The following BCLAF3 variants were observed in gnomAD, a reference collection of about 807,000 sequenced individuals.
The protein encoded by BCLAF3 is BCLAF1 and THRAP3 family member 3, also known as transient octamer binding factor 1.
In BCLAF3, 24 loss-of-function variants were observed where a neutral mutation model predicts 51.2. The observed-to-expected ratio is 0.47, with a 90% CI of 0.34 to 0.66. BCLAF3 has a LOEUF of 0.66. Among genes scored for constraint, BCLAF3 ranks in the 30% least tolerant of loss-of-function variants. BCLAF3 has a pLI of 0.01. For missense variants in BCLAF3, 465 were observed against 525.1 expected (o/e 0.89, Z 1.12); for synonymous variants, 152 against 176.6 (o/e 0.86, Z 1.10).
chrX:19,984,091 A>AT (rs1206692219), intron 1 of BCLAF3, among the ~76,000 whole-genome samples: 27 of 107,673 alleles, frequency 2.5e-4, no homozygotes, highest in African/African-American at 7.7e-4. Context: ...AAAAAAAAAA[A>AT]AAAAAAGACT....
intron 6 of BCLAF3, among the ~76,000 whole-genome samples, 194 bp downstream of exon 6, chrX:19,953,584 G>A (rs901150701): frequency 2.7e-5 from 3 of 112,052 alleles, no homozygotes; most frequent in Admixed American, 1.9e-4. Context: ...TGTTTTCAGC[G>A]CATCCTATTC....
At chrX:19,943,556 T>C (rs1177305921) in intron 8 of BCLAF3, among the ~76,000 whole-genome samples, 3 of 93,471 alleles carry the variant, frequency 3.2e-5, no homozygotes, top group Non-Finnish European at 4.2e-5. Flanking sequence ...AGGAGCAGGT[T>C]GTTCAGTTTC....
At chrX:19,931,816 G>C (rs781692461) in intron 10 of BCLAF3, among the ~76,000 whole-genome samples, 17 of 112,398 alleles carry the variant, frequency 1.5e-4, no homozygotes, top group Non-Finnish European at 2.8e-4. Flanking sequence ...AATTAGTAGA[G>C]ATGCTGCGTC....
intron 4 of BCLAF3, 23 bp downstream of exon 4, chrX:19,965,021 T>C (rs185837656): frequency 0.013 from 14,484 of 1,083,117 alleles, 89 homozygotes; most frequent in Middle Eastern, 0.025. Context: ...TTAAATATCA[T>C]AAAGAAAAAA....
chrX:19,947,691 G>A (rs1450129227), intron 8 of BCLAF3, among the ~76,000 whole-genome samples: 2 of 111,839 alleles, frequency 1.8e-5, no homozygotes, highest in African/African-American at 6.5e-5. Flanking sequence ...TGTATTACAA[G>A]TTAGGTATCC....
chrX:19,984,178 T>A (rs898670697), intron 1 of BCLAF3, among the ~76,000 whole-genome samples: 14 of 110,046 alleles, frequency 1.3e-4, no homozygotes, highest in African/African-American at 4.6e-4. Context: ...AAGACACTTT[T>A]TAATCCCAAA....
chrX:19,983,301 C>A (rs2072680789), intron 1 of BCLAF3, among the ~76,000 whole-genome samples: 1 of 106,705 alleles, frequency 9.4e-6, no homozygotes, highest in Admixed American at 1.0e-4. Context: ...TTAGGCCGGG[C>A]ATAGTGGCTC....
chrX:19,940,254 T>A (rs746836841), intron 8 of BCLAF3, among the ~76,000 whole-genome samples: 4 of 97,201 alleles, frequency 4.1e-5, no homozygotes, highest in African/African-American at 1.8e-4. Context: ...TCAAGAAGTC[T>A]TTATTTTTTA....
At chrX:19,988,481 T>A (rs1460936144) in intron 1 of BCLAF3, among the ~76,000 whole-genome samples, 1 of 111,891 alleles carries the variant, frequency 8.9e-6, no homozygotes, top group East Asian at 2.8e-4. Flanking sequence ...TACCAGATGG[T>A]AATAACATGG....
intron 11 of BCLAF3, among the ~76,000 whole-genome samples, chrX:19,925,343 A>G (rs2070322565): frequency 9.0e-6 from 1 of 111,082 alleles, no homozygotes. Flanking sequence ...TCACTCCAGC[A>G]TTTCAATATG....
chrX:19,916,120 C>T lies in BCLAF3; in HGVS notation c.*1185G>A, dbSNP rs1482257257. 4 of 112,313 alleles carry T rather than the reference C, an allele frequency of 3.6e-5. No individual in the cohort carries two copies. Among genetic ancestry groups the T allele is most frequent in the African/African-American group, 9.7e-5 (3 of 30,914 alleles). The allele number at this position is 112,313 out of a possible 1,213,427, so 9.3% of individuals were successfully genotyped here. A position where few individuals can be genotyped will look rare whatever the true frequency, so the allele number is the denominator to read the frequency against. On this transcript the variant is annotated 3_prime_UTR_variant, in exon 12 of 12. Coordinates refer to ENST00000379682, the MANE Select transcript of BCLAF3 (RefSeq NM_001367774.2). ...AAAACCAAGTTCTTATCAACCTTCA[C>T]ATTTTAATTTTGAAAGCTCTGTCTT...
At position 19,970,261 on chromosome X, in the gene BCLAF3, C is replaced by T; in HGVS notation, c.4G>A (p.Ala2Thr). ...CTGGGGGATCTAGATCGTGACCGTG[C>T]CATCCTTTGACACGTGAGCCACTAT... M[A>T]RSRSRSPRWK... The change falls in exon 2 of 12, where the codon GCA becomes ACA. Residue 2 changes from alanine (A) to threonine (T), a missense_variant. By Grantham distance (58) the Ala-to-Thr change is moderately conservative (BLOSUM62 0). Transcript: ENST00000379682. 1 of 1,211,413 alleles carries T rather than the reference C, an allele frequency of 8.3e-7. No individual in the cohort carries two copies. The highest frequency in any genetic ancestry group is 1.1e-6 in the Non-Finnish European group (1 of 895,021).
intron 2 of BCLAF3, among the ~76,000 whole-genome samples, chrX:19,968,974 G>A (rs1275837773): frequency 9.0e-5 from 10 of 111,447 alleles, no homozygotes; most frequent in Non-Finnish European, 1.7e-4. Context: ...TTAGCCGGGC[G>A]TGGTGGCGGG....
intron 4 of BCLAF3, among the ~76,000 whole-genome samples, chrX:19,962,468 C>T (rs1355510928): frequency 8.9e-6 from 1 of 112,286 alleles, no homozygotes; most frequent in Non-Finnish European, 1.9e-5. Flanking sequence ...CAGGCATGAG[C>T]CATTGCACCT....
At chrX:19,934,954 C>T (rs1403322866) in intron 10 of BCLAF3, among the ~76,000 whole-genome samples, 1 of 111,600 alleles carries the variant, frequency 9.0e-6, no homozygotes, top group Non-Finnish European at 1.9e-5. Context: ...GGAAGGCCAA[C>T]GTGGGTGATC....
Position 19,968,295 on chromosome X carries a change from C to G in BCLAF3, c.42-1646G>C, listed in dbSNP as rs761247580. On this transcript the variant is annotated intron_variant, in intron 2 of 11. Transcript: ENST00000379682. ...GAGTTCTGCACGCCTTGCGAGCGCC[C>G]TGTGAGCAGAGGCACTGACAACCTT... Among the ~76,000 whole-genome samples, 12 of 112,615 alleles carry G rather than the reference C, an allele frequency of 1.1e-4. No homozygotes were observed. The East Asian group carries it at 3.4e-3, about 31-fold the overall frequency.
chrX:19,914,534 G>A lies in BCLAF3; in HGVS notation c.*2771C>T, dbSNP rs770827039. 7.3e-5 allele frequency: 8 copies of A among 110,160 alleles called. No individual in the cohort carries two copies. In the East Asian group the frequency reaches 2.3e-3, roughly 31 times the overall value. The allele number at this position is 110,160 out of a possible 1,213,427, so 9.1% of individuals were successfully genotyped here. ...AAAAAAAAACTATTCAAAAATGTAG[G>A]ATTTATTAGGTAAAATGTGGTACAT... On this transcript the variant is annotated 3_prime_UTR_variant, in exon 12 of 12. Transcript: ENST00000379682.
In BCLAF3 at chrX:19,917,083, C is replaced by A; in HGVS notation, c.*222G>T. On this transcript the variant is annotated 3_prime_UTR_variant, in exon 12 of 12. Coordinates refer to ENST00000379682, the MANE Select transcript of BCLAF3 (RefSeq NM_001367774.2). ...CAAGTGATTCTTTTGAGACTTTTTG[C>A]AAAGGAAACTGTAGTTAATACAACT... 1 of 383,011 alleles carries A rather than the reference C, an allele frequency of 2.6e-6. No homozygotes were observed. The highest frequency in any genetic ancestry group is 2.6e-5 in the African/African-American group (1 of 38,196). The allele number at this position is 383,011 out of a possible 1,213,427, so 31.6% of individuals were successfully genotyped here.
At chrX:19,954,161 G>C in intron 5 of BCLAF3, 1 of 754,025 alleles carries the variant, frequency 1.3e-6, no homozygotes, top group Non-Finnish European at 1.6e-6. Context: ...AAAAGACAAT[G>C]GCTCTCTCAA....
Sources: allele counts gnomAD v4.1 joint callset (sites outside exome capture counted in the v4.1 genomes callset), GRCh38; gene constraint gnomAD v4.1.1; transcripts MANE v1.5; gene names NCBI Gene and HGNC (gene_info 2026-07-23, HGNC 2026-07-21).